ADORA2B: variants seen among roughly 807,000 people sequenced by gnomAD.
ADORA2B encodes the protein adenosine receptor A2b.
ADORA2B carries 18 observed loss-of-function variants against 20.8 expected under a neutral mutation model. The observed-to-expected ratio is 0.87, with a 90% confidence interval of 0.60 to 1.29. The LOEUF (loss-of-function observed/expected upper bound fraction) is 1.29, where lower values mean the gene tolerates loss of function less well. ADORA2B is among the 50% of genes most tolerant of loss of function. The pLI, the probability that ADORA2B is intolerant of heterozygous loss-of-function variation, is 0.00. For synonymous variants in ADORA2B, 179 were observed against 178.3 expected (o/e 1.00, Z -0.03); for missense variants, 441 against 422.7 (o/e 1.04, Z -0.38).
At chr17:15,927,095 C>G in the ADORA2B span, among the ~76,000 whole-genome samples, 3 of 152,078 alleles carry the variant, frequency 2.0e-5, no homozygotes, top group Non-Finnish European at 4.4e-5. Context: ...GCCTGTAATC[C>G]CAGCACTTTG....
At chr17:15,961,527 G>C (rs960824318) in intron 1 of ADORA2B, among the ~76,000 whole-genome samples, 1 of 152,188 alleles carries the variant, frequency 6.6e-6, no homozygotes, top group Non-Finnish European at 1.5e-5. Flanking sequence ...TTCACTGTAA[G>C]GGTATGTTTT....
the ADORA2B span, among the ~76,000 whole-genome samples, chr17:15,888,833 T>C: frequency 2.1e-4 from 4 of 19,152 alleles, no homozygotes; most frequent in Non-Finnish European, 4.1e-4. Context: ...TATATATATA[T>C]ATATATATAT....
At chr17:15,972,294 T>C (rs1970198172) in intron 1 of ADORA2B, among the ~76,000 whole-genome samples, 1 of 152,228 alleles carries the variant, frequency 6.6e-6, no homozygotes, top group African/African-American at 2.4e-5. Context: ...CGTCTTACAC[T>C]GCAGGTAAAG....
At chr17:15,947,880 G>T (rs1424717824) in intron 1 of ADORA2B, among the ~76,000 whole-genome samples, 1 of 152,200 alleles carries the variant, frequency 6.6e-6, no homozygotes, top group African/African-American at 2.4e-5. Context: ...AGGGACATTT[G>T]GGTCCAGCGA....
the ADORA2B span, among the ~76,000 whole-genome samples, chr17:15,938,790 A>T: frequency 2.0e-5 from 3 of 152,220 alleles, no homozygotes; most frequent in African/African-American, 7.2e-5. Context: ...CTTAGCAGGC[A>T]GTATCACTTG....
intron 1 of ADORA2B, among the ~76,000 whole-genome samples, chr17:15,968,387 C>T (rs928405385): frequency 2.0e-5 from 3 of 152,166 alleles, no homozygotes; most frequent in African/African-American, 4.8e-5. Flanking sequence ...TGTGTACATA[C>T]GGTGAGGTGA....
the ADORA2B span, among the ~76,000 whole-genome samples, chr17:15,874,012 G>C: frequency 1.8e-4 from 26 of 146,526 alleles, no homozygotes; most frequent in Non-Finnish European, 1.0e-4. Flanking sequence ...CTAATGAGTG[G>C]ATAAAGAAAA....
chr17:15,951,818 G>T (rs551804229), intron 1 of ADORA2B, among the ~76,000 whole-genome samples: 1 of 152,246 alleles, frequency 6.6e-6, no homozygotes, highest in Non-Finnish European at 1.5e-5. Flanking sequence ...GTGCGTGGGG[G>T]TGCTGTGGAC....
the ADORA2B span, among the ~76,000 whole-genome samples, chr17:15,926,128 C>T: frequency 6.6e-6 from 1 of 152,088 alleles, no homozygotes; most frequent in South Asian, 2.1e-4. Flanking sequence ...GTTTTATTTA[C>T]TTGCACGCTT....
At chr17:15,873,822 G>A in the ADORA2B span, among the ~76,000 whole-genome samples, 6,135 of 152,060 alleles carry the variant, frequency 0.04, 436 homozygotes, top group African/African-American at 0.14. Context: ...AACCTCTTTG[G>A]AAAATAGTAT....
At chr17:15,852,636 T>G in the ADORA2B span, among the ~76,000 whole-genome samples, 1 of 151,988 alleles carries the variant, frequency 6.6e-6, no homozygotes, top group Non-Finnish European at 1.5e-5. Context: ...AGAAAATAAG[T>G]AACAAGGTGG....
At chr17:15,954,103 C>T (rs548103491) in intron 1 of ADORA2B, among the ~76,000 whole-genome samples, 51 of 152,168 alleles carry the variant, frequency 3.4e-4, no homozygotes, top group African/African-American at 6.7e-4. Context: ...CTCAGCCTCC[C>T]GAGTAGCTGG....
Position 15,975,458 on chromosome 17 carries a change from T to G in ADORA2B, c.*116T>G. On this transcript the variant is annotated 3_prime_UTR_variant, in exon 2 of 2. Coordinates refer to ENST00000304222, the MANE Select transcript of ADORA2B (RefSeq NM_000676.4). ...TCACAAGGAAATGGACTGCCTCTCT[T>G]GAGCACTTCCCTGGAGCTACCACGT... 1 of 1,092,886 alleles carries G rather than the reference T, an allele frequency of 9.2e-7. No homozygotes were observed. The highest frequency in any genetic ancestry group is 1.3e-6 in the Non-Finnish European group (1 of 765,360). 67.7% of individuals were successfully genotyped at this position (1,092,886 alleles called of 1,614,324 possible).
At chr17:15,871,486 G>T in the ADORA2B span, among the ~76,000 whole-genome samples, 1 of 151,980 alleles carries the variant, frequency 6.6e-6, no homozygotes, top group Admixed American at 6.6e-5. Flanking sequence ...TGCAAGGCTG[G>T]CCCTTGGCTG....
chr17:15,861,758 CT>C, the ADORA2B span, among the ~76,000 whole-genome samples: 1 of 152,222 alleles, frequency 6.6e-6, no homozygotes, highest in East Asian at 1.9e-4. Flanking sequence ...TTCAGTGCCC[CT>C]GGTCACCCAG....
chr17:15,859,594 C>T, the ADORA2B span, among the ~76,000 whole-genome samples: 1 of 152,070 alleles, frequency 6.6e-6, no homozygotes, highest in Non-Finnish European at 1.5e-5. Context: ...TCCCCTATAA[C>T]TATAAACTAG....
chr17:15,853,025 C>T, the ADORA2B span, among the ~76,000 whole-genome samples: 2 of 151,488 alleles, frequency 1.3e-5, no homozygotes, highest in South Asian at 2.1e-4. Context: ...CAACATGAAC[C>T]GAAAGCAAAG....
the ADORA2B span, among the ~76,000 whole-genome samples, chr17:15,904,436 C>T: frequency 6.7e-6 from 1 of 149,628 alleles, no homozygotes; most frequent in East Asian, 1.9e-4. Context: ...CCCTGTTGCC[C>T]AGGCTGGAGT....
the ADORA2B span, among the ~76,000 whole-genome samples, chr17:15,862,071 G>A: frequency 9.2e-5 from 14 of 151,790 alleles, no homozygotes; most frequent in Non-Finnish European, 1.5e-5. Flanking sequence ...AACTTGAATT[G>A]TCCTCCTTTT....
Sources: allele counts gnomAD v4.1 joint callset (sites outside exome capture counted in the v4.1 genomes callset), GRCh38; gene constraint gnomAD v4.1.1; transcripts MANE v1.5; gene names NCBI Gene and HGNC (gene_info 2026-07-23, HGNC 2026-07-21).